KIFC2: variants seen among roughly 807,000 people sequenced by gnomAD.
KIFC2 encodes the protein kinesin-like protein KIFC2.
KIFC2 carries 94 observed loss-of-function variants against 91.5 expected under a neutral mutation model. The observed-to-expected ratio is 1.03, with a 90% CI of 0.87 to 1.22. The LOEUF is 1.22. Among genes scored for constraint, KIFC2 ranks in the 50% most tolerant of loss-of-function variants. The pLI, the probability that KIFC2 is intolerant of heterozygous loss-of-function variation, is 0.00. For missense variants in KIFC2, 1,357 were observed against 1,103.3 expected (o/e 1.23, Z -3.26); for synonymous variants, 729 against 503.9 (o/e 1.45, Z -5.98).
chr8:144,467,360 G>T lies in KIFC2; in HGVS notation c.469+19G>T. ...CCAGATGGTGAGTAAAGGACAGTAA[G>T]TTGAAGAAGAACTCTGGAGGGAGCA... On this transcript the variant is annotated intron_variant, in intron 4 of 17. Transcript: ENST00000645548. 6.3e-7 allele frequency: 1 copy of T among 1,581,724 alleles called. No individual in the cohort carries two copies. The highest frequency in any genetic ancestry group is 1.2e-5 in the South Asian group (1 of 86,566).
chr8:144,467,111 G>A lies in KIFC2; in HGVS notation c.330+1G>A. On this transcript the variant is annotated splice_donor_variant, in intron 3 of 17. Coordinates refer to ENST00000645548, the MANE Select transcript of KIFC2 (RefSeq NM_001369769.2). LOFTEE classifies it high-confidence loss of function. Reference sequence around the variant, plus strand: ...CGGGGGCCCGGCGGACCTGGGCCAGGTGAGCGCGGCGGAGGGGGCTGCTGG... The same window carrying A: ...CGGGGGCCCGGCGGACCTGGGCCAGATGAGCGCGGCGGAGGGGGCTGCTGG... The A allele has an allele frequency of 6.2e-7, 1 of 1,605,720 alleles. No individual in the cohort carries two copies. Among genetic ancestry groups the A allele is most frequent in the Non-Finnish European group, 8.5e-7 (1 of 1,176,244 alleles).
rs374838940 is a variant in KIFC2, at chr8:144,467,567, G to A, written c.552G>A (p.Gln184=). The A allele has an allele frequency of 2.0e-4, 325 of 1,605,708 alleles. No homozygotes were observed. The highest frequency in any genetic ancestry group is 2.6e-4 in the Non-Finnish European group (300 of 1,176,082). Residue 184 remains glutamine, a synonymous_variant, in exon 5 of 18, where the codon CAG becomes CAA. Transcript: ENST00000645548. The stretch of plus-strand genomic sequence containing the variant: ...TGGGGGATGAGACCCAGGGACAGCA[G>A]CCCCTCCAGTTGGAGGAGGATCAGA... ...EPLGDETQGQ[Q]PLQLEEDQRA...
intron 10 of KIFC2, 146 bp from the exon 11 acceptor site, chr8:144,469,125 C>T: frequency 1.4e-6 from 1 of 700,270 alleles, no homozygotes; most frequent in Non-Finnish European, 2.5e-6. Context: ...ATGATGTCCC[C>T]AGGGGCCCAG....
Position 144,472,393 on chromosome 8 carries a change from T to C in KIFC2, c.1640T>C (p.Leu547Pro). The C allele has an allele frequency of 6.2e-7, 1 of 1,613,272 alleles. No individual in the cohort carries two copies. Among genetic ancestry groups the C allele is most frequent in the Non-Finnish European group, 8.5e-7 (1 of 1,179,908 alleles). Reference protein sequence around the residue: ...DLLAPGPPERLAVRQGPEGQG... With the variant: ...DLLAPGPPERPAVRQGPEGQG... ...CTTGCTCCAGGGCCTCCCGAGCGCC[T>C]GGCCGTGAGGCAGGGCCCAGAAGGC... is the stretch of plus-strand genomic sequence containing the variant. The change falls in exon 15 of 18, where the codon CTG (leucine) becomes CCG (proline). Residue 547 changes from leucine (L) to proline (P), a missense_variant. Coordinates refer to ENST00000645548, the MANE Select transcript of KIFC2 (RefSeq NM_001369769.2).
rs1038476088 is a variant in KIFC2 at position 144,473,350 on chromosome 8, G to C, written c.2337G>C (p.Ser779=). 4 of 1,583,466 alleles carry C rather than the reference G, an allele frequency of 2.5e-6. No individual in the cohort carries two copies. The highest frequency in any genetic ancestry group is 3.6e-5 in the Admixed American group (2 of 56,062). Residue 779 remains serine (S), a synonymous_variant, in exon 18 of 18, where the codon TCG becomes TCC. Coordinates refer to ENST00000645548, the MANE Select transcript of KIFC2 (RefSeq NM_001369769.2). ...SPPCPSPDNG[S]GSALAPAEGL... ...CATGCCCCAGTCCCGACAACGGCTC[G>C]GGCTCGGCTCTCGCGCCCGCAGAGG...
rs1825006228 is a variant in KIFC2, at chr8:144,473,142, G to T, written c.2129G>T (p.Arg710Leu). The change falls in exon 18 of 18, where the codon CGG becomes CTG. Residue 710 changes from arginine to leucine, a missense_variant. Arg to Leu is a moderately radical substitution (Grantham distance 102). Coordinates refer to ENST00000645548, the MANE Select transcript of KIFC2 (RefSeq NM_001369769.2). ...GCCTCTTGCCCGCAGATCTCCACGC[G>T]GCCGGAGGATCTCGGGGAGACAGTC... ...TAVLLLQIST[R>L]PEDLGETVCS... The T allele has an allele frequency of 6.4e-7, 1 of 1,560,334 alleles. No individual in the cohort carries two copies. Among genetic ancestry groups the T allele is most frequent in the East Asian group, 2.4e-5 (1 of 41,852 alleles).
In KIFC2 at chr8:144,473,435, C is replaced by T; in HGVS notation, c.*46C>T. On this transcript the variant is annotated 3_prime_UTR_variant, in exon 18 of 18. Coordinates refer to ENST00000645548, the MANE Select transcript of KIFC2 (RefSeq NM_001369769.2). ...CATGGGGTCTCAGGCCAGGTCTCTG[C>T]TGGCAGAGGCGGTAGTAAAGTCCCT... 2.0e-6 allele frequency: 3 copies of T among 1,538,140 alleles called. No individual in the cohort carries two copies. The highest frequency in any genetic ancestry group is 1.7e-6 in the Non-Finnish European group (2 of 1,147,166).
chr8:144,466,798 G>C lies in KIFC2; in HGVS notation c.138G>C (p.Leu46=), dbSNP rs1187105066. The C allele has an allele frequency of 6.5e-7, 1 of 1,536,150 alleles. No homozygotes were observed. Among genetic ancestry groups the C allele is most frequent in the Middle Eastern group, 2.3e-4 (1 of 4,426 alleles). ...RKPRGRRRPD[L]PAPELWTELT... ...CCCGGGGTCGCCGGCGCCCAGACCT[G>C]CCCGCGCCAGAGCTGTGGACCGAGC... The change falls in exon 2 of 18, where the codon CTG becomes CTC. Residue 46 remains leucine (L), a synonymous_variant. Coordinates refer to ENST00000645548, the MANE Select transcript of KIFC2 (RefSeq NM_001369769.2).
rs766959185 is a variant in KIFC2 at position 144,472,662 on chromosome 8, T to G, written c.1817T>G (p.Leu606Arg). 1 of 1,598,000 alleles carries G rather than the reference T, an allele frequency of 6.3e-7. No individual in the cohort carries two copies. Among genetic ancestry groups the G allele is most frequent in the Non-Finnish European group, 8.5e-7 (1 of 1,178,630 alleles). The change falls in exon 16 of 18, where the codon CTG (leucine) becomes CGG (arginine). Residue 606 changes from leucine (L) to arginine (R), a missense_variant. Coordinates refer to ENST00000645548, the MANE Select transcript of KIFC2 (RefSeq NM_001369769.2). ...RSSRSHALVT[L>R]TLRAASPPRA... is the part of the protein sequence containing the mutation. Reference sequence around the variant, plus strand: ...TCCCGCTCGCATGCCCTGGTCACGCTGACGCTGCGCGCGGCGTCTCCACCG... The same window carrying G: ...TCCCGCTCGCATGCCCTGGTCACGCGGACGCTGCGCGCGGCGTCTCCACCG...
intron 7 of KIFC2, 74 bp downstream of exon 7, chr8:144,468,061 C>G (rs918877928): frequency 2.5e-5 from 37 of 1,459,172 alleles, no homozygotes; most frequent in Non-Finnish European, 3.2e-5. Flanking sequence ...CCACAGGGCC[C>G]GAGCCTCCTC....
chr8:144,470,797 G>A (rs1824894890), intron 12 of KIFC2: 1 of 152,274 alleles, frequency 6.6e-6, no homozygotes, highest in Admixed American at 6.5e-5. Context: ...TTGTGAGCCA[G>A]GTACTGGTGT....
chr8:144,469,193 C>T, intron 10 of KIFC2, 78 bp from the exon 11 acceptor site: 1 of 1,219,084 alleles, frequency 8.2e-7, no homozygotes. Context: ...CTCCCTGCTG[C>T]TCTCAGGACC....
In KIFC2 at chr8:144,473,085, C is replaced by T. The variant is rs754014436; in HGVS notation, c.2118+34C>T. 25 of 1,527,228 alleles carry T rather than the reference C, an allele frequency of 1.6e-5. No individual in the cohort carries two copies. The highest frequency in any genetic ancestry group is 2.3e-4 in the Middle Eastern group (1 of 4,382). 94.6% of individuals were successfully genotyped at this position (1,527,228 alleles called of 1,614,324 possible). A position where few individuals can be genotyped will look rare whatever the true frequency, so the allele number is the denominator to read the frequency against. ...CGGGGCGGGGCAGGTGTGTGCGTGC[C>T]GGTCGCCGCCCACCCGGGCCCGCCC... On this transcript the variant is annotated intron_variant, in intron 17 of 17. Transcript: ENST00000645548.
rs762304932 is a variant in KIFC2 at position 144,473,360 on chromosome 8, C to G, written c.2347C>G (p.Leu783Val). The stretch of plus-strand genomic sequence containing the variant: ...TCCCGACAACGGCTCGGGCTCGGCT[C>G]TCGCGCCCGCAGAGGGCCTGCCCCT... ...PSPDNGSGSALAPAEGLPL is the reference protein window; with the variant it reads ...PSPDNGSGSAVAPAEGLPL The change falls in exon 18 of 18, where the codon CTC (leucine) becomes GTC (valine). Residue 783 changes from leucine (L) to valine (V), a missense_variant. Transcript: ENST00000645548. The G allele has an allele frequency of 6.3e-6, 10 of 1,579,806 alleles. No homozygotes were observed. In the Admixed American group the frequency reaches 7.2e-5, roughly 11 times the overall value.
chr8:144,468,822 G>A lies in KIFC2; in HGVS notation c.1101G>A (p.Glu367=). ...AGAGCTGTCAGGGTTCGCTGAGTGAGGCCCGGGGCCAGGTCAGGACCCCTC... is the reference window on the plus strand; with the variant it reads ...AGAGCTGTCAGGGTTCGCTGAGTGAAGCCCGGGGCCAGGTCAGGACCCCTC... The part of the protein sequence containing the change: ...FTQSCQGSLS[E]ARGQVSWALG... Residue 367 remains glutamate, a synonymous_variant, in exon 10 of 18, where the codon GAG becomes GAA. Transcript: ENST00000645548. 6.2e-7 allele frequency: 1 copy of A among 1,613,758 alleles called. No homozygotes were observed. The highest frequency in any genetic ancestry group is 1.3e-5 in the African/African-American group (1 of 75,024).
rs1270667172 is a variant in KIFC2 at position 144,468,406 on chromosome 8, G to T, written c.888G>T (p.Gln296His). The T allele has an allele frequency of 6.2e-7, 1 of 1,612,466 alleles. No individual in the cohort carries two copies. Among genetic ancestry groups the T allele is most frequent in the Non-Finnish European group, 8.5e-7 (1 of 1,179,722 alleles). The change falls in exon 8 of 18, where the codon CAG (glutamine) becomes CAT (histidine). Residue 296 changes from glutamine to histidine, a missense_variant and splice_region_variant. By Grantham distance (24) the Gln-to-His change is conservative (BLOSUM62 0). Transcript: ENST00000645548. ...ACACCACAGAAGCCCTCCGAGCCCA[G>T]GTGGGCATGGGGCCCAGGGATCCAT... ...AQDTTEALRA[Q>H]LGVQEVQLQG...
chr8:144,472,962 C>T lies in KIFC2; in HGVS notation c.2029C>T (p.Arg677Trp). 6.8e-7 allele frequency: 1 copy of T among 1,464,608 alleles called. No individual in the cohort carries two copies. The highest frequency in any genetic ancestry group is 9.0e-7 in the Non-Finnish European group (1 of 1,116,120). 90.7% of individuals were successfully genotyped at this position (1,464,608 alleles called of 1,614,324 possible). The change falls in exon 17 of 18, where the codon CGG (arginine) becomes TGG (tryptophan). Residue 677 changes from arginine to tryptophan, a missense_variant. Physicochemically the swap from Arg to Trp is moderately radical, Grantham distance 101. Coordinates refer to ENST00000645548, the MANE Select transcript of KIFC2 (RefSeq NM_001369769.2). Reference protein sequence around the residue: ...GGVMAALRAHRPHVPFRDSQL... With the variant: ...GGVMAALRAHWPHVPFRDSQL... ...CGTGATGGCCGCACTGCGGGCCCAC[C>T]GGCCGCACGTGCCCTTCCGCGACTC...
intron 4 of KIFC2, 28 bp downstream of exon 4, chr8:144,467,369 G>A (rs367799663): frequency 1.1e-5 from 18 of 1,566,930 alleles, no homozygotes; most frequent in Admixed American, 1.9e-5. Flanking sequence ...AGTTGAAGAA[G>A]AACTCTGGAG....
rs756184219 is a variant in KIFC2, at chr8:144,473,015, G to T, written c.2082G>T (p.Ala694=). 1.4e-5 allele frequency: 20 copies of T among 1,419,660 alleles called. No homozygotes were observed. The highest frequency in any genetic ancestry group is 1.8e-5 in the Non-Finnish European group (20 of 1,094,482). 87.9% of individuals were successfully genotyped at this position (1,419,660 alleles called of 1,614,324 possible). A position where few individuals can be genotyped will look rare whatever the true frequency, so the allele number is the denominator to read the frequency against. The change falls in exon 17 of 18, where the codon GCG becomes GCT. Residue 694 remains alanine, a synonymous_variant. Coordinates refer to ENST00000645548, the MANE Select transcript of KIFC2 (RefSeq NM_001369769.2). ...DSQLTRLLQP[A]LGPGTTAVLL... The stretch of plus-strand genomic sequence containing the variant: ...AGCTCACGCGACTGCTGCAGCCGGC[G>T]CTGGGCCCAGGCACCACCGCGGTGC...
Sources: gnomAD v4.1 joint callset for allele counts on GRCh38, gnomAD v4.1.1 for gene constraint, MANE v1.5 for transcripts, NCBI Gene and HGNC (gene_info 2026-07-23, HGNC 2026-07-21) for gene names.